The following CARHSP1 variants were observed in gnomAD, a reference collection of about 807,000 sequenced individuals.
CARHSP1 encodes calcium-regulated heat-stable protein 1.
CARHSP1 carries 14 observed loss-of-function variants against 12.5 expected under a neutral mutation model. The ratio of observed to expected loss-of-function variants is 1.12; its 90% CI spans 0.74 to 1.75. The LOEUF (loss-of-function observed/expected upper bound fraction) is 1.75, where lower values mean the gene tolerates loss of function less well. Ranked by LOEUF, CARHSP1 falls within the 40% of genes most tolerant of loss-of-function variation. CARHSP1 has a pLI of 0.00. For synonymous variants in CARHSP1, 161 were observed against 82.0 expected (o/e 1.96, Z -5.20); for missense variants, 343 against 201.6 (o/e 1.70, Z -4.25).
chr16:8,855,665 AAGCCAGAG>A (rs145174315), intron 3 of CARHSP1, among the ~76,000 whole-genome samples: 10,543 of 152,126 alleles, frequency 0.069, 588 homozygotes, highest in Admixed American at 0.2. Flanking sequence ...CAGCCAGTCC[AAGCCAGAG>A]AGCCAGAGAG....
At chr16:8,856,797 A>G (rs1054383165) in intron 3 of CARHSP1, among the ~76,000 whole-genome samples, 1 of 151,746 alleles carries the variant, frequency 6.6e-6, no homozygotes, top group African/African-American at 2.4e-5. Flanking sequence ...AAGGGTGCAG[A>G]TCGAGGGTCC....
At position 8,855,222 on chromosome 16, in the gene CARHSP1, G is replaced by C. The variant is rs772166654; in HGVS notation, c.386C>G (p.Thr129Ser). The change falls in exon 4 of 4, where the codon ACT (threonine) becomes AGT (serine). Residue 129 changes from threonine (T) to serine (S), a missense_variant. Transcript: ENST00000311052. ...ATGCTTGGTGCCTGGTGCCAGGTGAGTGATGACGACCTCCACGGCCTGCAG... is the reference window on the plus strand; with the variant it reads ...ATGCTTGGTGCCTGGTGCCAGGTGACTGATGACGACCTCCACGGCCTGCAG... ...EKLQAVEVVI[T>S]HLAPGTKHET... 1.9e-6 allele frequency: 3 copies of C among 1,613,320 alleles called. No homozygotes were observed. The highest frequency in any genetic ancestry group is 2.2e-5 in the East Asian group (1 of 44,828).
chr16:8,854,168 GAAAA>G lies in CARHSP1; in HGVS notation c.*992_*995del, dbSNP rs369494018. The G allele has an allele frequency of 2.0e-5, 3 of 148,850 alleles. No individual in the cohort carries two copies. The highest frequency in any genetic ancestry group is 7.4e-5 in the African/African-American group (3 of 40,578). The allele number at this position is 148,850 out of a possible 1,614,324, so 9.2% of individuals were successfully genotyped here. The stretch of plus-strand genomic sequence containing the variant: ...TGAAAGCTTTAGTTATGAAAAATAA[GAAAA>G]AAAAAATCCCTAAGCATTTCTTAAC... On this transcript the variant is annotated 3_prime_UTR_variant, in exon 4 of 4. Coordinates refer to ENST00000311052, the MANE Select transcript of CARHSP1 (RefSeq NM_014316.4).
intron 1 of CARHSP1, chr16:8,868,311 C>T (rs889139604): frequency 1.3e-5 from 2 of 152,186 alleles, no homozygotes; most frequent in African/African-American, 4.8e-5. Context: ...GAACATTTCA[C>T]TTCCGGCCTG....
intron 2 of CARHSP1, 143 bp from the exon 3 acceptor site, chr16:8,858,615 C>T (rs892475428): frequency 3.0e-6 from 3 of 1,007,900 alleles, no homozygotes; most frequent in African/African-American, 3.3e-5. Flanking sequence ...GACTGCACAA[C>T]CCTCAACCCT....
At chr16:8,863,137 T>TTTTC (rs1555457603) in intron 1 of CARHSP1, among the ~76,000 whole-genome samples, 6 of 126,286 alleles carry the variant, frequency 4.8e-5, no homozygotes, top group Non-Finnish European at 9.7e-5. Flanking sequence ...TTTTTTTTTT[T>TTTTC]CAGATAGGAT....
chr16:8,859,401 T>C lies in CARHSP1; in HGVS notation c.-7-66A>G, dbSNP rs1483951808. On this transcript the variant is annotated intron_variant, in intron 1 of 3. Coordinates refer to ENST00000311052, the MANE Select transcript of CARHSP1 (RefSeq NM_014316.4). The stretch of plus-strand genomic sequence containing the variant: ...GGTAGGGACCCTGTGCTTACCCCCA[T>C]GTCCACGTCTGACAGTCCAGTATCT... 7 of 1,388,500 alleles carry C rather than the reference T, an allele frequency of 5.0e-6. No homozygotes were observed. In the Admixed American group the frequency reaches 8.2e-5, roughly 16 times the overall value. 86.0% of individuals were successfully genotyped at this position (1,388,500 alleles called of 1,614,324 possible). A position where few individuals can be genotyped will look rare whatever the true frequency, so the allele number is the denominator to read the frequency against.
At chr16:8,865,668 G>A (rs2061442642) in intron 1 of CARHSP1, among the ~76,000 whole-genome samples, 1 of 152,196 alleles carries the variant, frequency 6.6e-6, no homozygotes, top group African/African-American at 2.4e-5. Context: ...CCCGCACTAT[G>A]GGGATGGGGC....
At chr16:8,858,256 C>A (rs62033507) in intron 3 of CARHSP1, 94 bp downstream of exon 3, 688,239 of 1,430,858 alleles carry the variant, frequency 0.48, 169,443 homozygotes, top group Non-Finnish European at 0.5. Context: ...GTCCTCACAC[C>A]CAGCGCCCAT....
chr16:8,856,489 T>C (rs1292730507), intron 3 of CARHSP1, among the ~76,000 whole-genome samples: 1 of 151,710 alleles, frequency 6.6e-6, no homozygotes, highest in East Asian at 1.9e-4. Flanking sequence ...ACCTCTATGT[T>C]TTCCTTACTG....
At position 8,853,054 on chromosome 16, in the gene CARHSP1, C is replaced by A. The variant is rs913273210; in HGVS notation, c.*2110G>T. 2 of 152,130 alleles carry A rather than the reference C, an allele frequency of 1.3e-5. No individual in the cohort carries two copies. The highest frequency in any genetic ancestry group is 2.4e-5 in the African/African-American group (1 of 41,424). 9.4% of individuals were successfully genotyped at this position (152,130 alleles called of 1,614,324 possible). A position where few individuals can be genotyped will look rare whatever the true frequency, so the allele number is the denominator to read the frequency against. ...CGCTCTGTCACCAAAACCCTCCGTC[C>A]CTCCCAGAGCCTCGAGGAGTTTCCC... On this transcript the variant is annotated 3_prime_UTR_variant, in exon 4 of 4. Transcript: ENST00000311052.
rs774634176 is a variant in CARHSP1, at chr16:8,858,372, C to T, written c.259G>A (p.Asp87Asn). 10 of 1,613,870 alleles carry T rather than the reference C, an allele frequency of 6.2e-6. No individual in the cohort carries two copies. Among genetic ancestry groups the T allele is most frequent in the South Asian group, 2.2e-5 (2 of 91,068 alleles). The change falls in exon 3 of 4, where the codon GAC becomes AAC. Residue 87 changes from aspartate (D) to asparagine (N), a missense_variant. By Grantham distance (23) the Asp-to-Asn change is conservative (BLOSUM62 1). Coordinates refer to ENST00000311052, the MANE Select transcript of CARHSP1 (RefSeq NM_014316.4). ...CACTCAGAGATGTGCAGGAAGATGT[C>T]GGGGCCGCCATCAGCTGGAGTAATG... is the stretch of plus-strand genomic sequence containing the variant. ...GFITPADGGP[D>N]IFLHISDVEG...
chr16:8,859,794 A>G (rs1334524147), intron 1 of CARHSP1: 3 of 153,380 alleles, frequency 2.0e-5, no homozygotes, highest in South Asian at 4.1e-4. Flanking sequence ...CCTGGCCAAC[A>G]TGGGGAAACC....
intron 1 of CARHSP1, among the ~76,000 whole-genome samples, chr16:8,863,492 G>A (rs2061404593): frequency 6.6e-6 from 1 of 152,222 alleles, no homozygotes; most frequent in Non-Finnish European, 1.5e-5. Flanking sequence ...TCAGCACCAT[G>A]CCCAGCCCAG....
rs779093455 is a variant in CARHSP1 at position 8,858,469 on chromosome 16, C to T, written c.162G>A (p.Thr54=). 28 of 1,613,512 alleles carry T rather than the reference C, an allele frequency of 1.7e-5. No homozygotes were observed. The highest frequency in any genetic ancestry group is 3.3e-5 in the Admixed American group (2 of 59,968). The change falls in exon 3 of 4, where the codon ACG becomes ACA. Residue 54 remains threonine, a synonymous_variant. Coordinates refer to ENST00000311052, the MANE Select transcript of CARHSP1 (RefSeq NM_014316.4). ...PTRRTRTFSA[T]VRASQGPVYK... Reference sequence around the variant, plus strand: ...AGACGGGGCCCTGTGAAGCCCGCACCGTCCTGACAGAGAGGGGGAAATGTC... The same window carrying T: ...AGACGGGGCCCTGTGAAGCCCGCACTGTCCTGACAGAGAGGGGGAAATGTC...
chr16:8,860,316 T>G (rs558944107), intron 1 of CARHSP1: 2 of 985,126 alleles, frequency 2.0e-6, no homozygotes, highest in African/African-American at 1.7e-5. Context: ...CACGCTGTTA[T>G]GAAATCAAAT....
chr16:8,858,192 AGGAGCACAGCT>A lies in CARHSP1; in HGVS notation c.281+147_281+157del, dbSNP rs2061212120. 8.2e-6 allele frequency: 7 copies of A among 852,148 alleles called. No homozygotes were observed. In the South Asian group the frequency reaches 1.1e-4, roughly 13 times the overall value. 52.8% of individuals were successfully genotyped at this position (852,148 alleles called of 1,614,324 possible). A position where few individuals can be genotyped will look rare whatever the true frequency, so the allele number is the denominator to read the frequency against. The stretch of plus-strand genomic sequence containing the variant: ...CACAACCCCAACCCAACACACACAC[AGGAGCACAGCT>A]GGAGCACCAGCCACAGGCAGAGTCA... On this transcript the variant is annotated intron_variant, in intron 3 of 3. Coordinates refer to ENST00000311052, the MANE Select transcript of CARHSP1 (RefSeq NM_014316.4).
intron 1 of CARHSP1, among the ~76,000 whole-genome samples, chr16:8,861,045 G>A (rs138475955): frequency 3.1e-4 from 29 of 92,460 alleles, no homozygotes; most frequent in African/African-American, 7.4e-4. Flanking sequence ...GTGAGACTCC[G>A]TCTCAAAAAA....
chr16:8,855,043 G>C lies in CARHSP1; in HGVS notation c.*121C>G. On this transcript the variant is annotated 3_prime_UTR_variant, in exon 4 of 4. Coordinates refer to ENST00000311052, the MANE Select transcript of CARHSP1 (RefSeq NM_014316.4). ...ATACCCCTTCCTCCAGGAGATACTT[G>C]AGAGGGACCATGCCCGGCTGAAGCC... 3 of 631,294 alleles carry C rather than the reference G, an allele frequency of 4.8e-6. No individual in the cohort carries two copies. Among genetic ancestry groups the C allele is most frequent in the Admixed American group, 4.0e-5 (1 of 24,770 alleles). 39.1% of individuals were successfully genotyped at this position (631,294 alleles called of 1,614,324 possible).
Sources: allele counts gnomAD v4.1 joint callset (sites outside exome capture counted in the v4.1 genomes callset), GRCh38; gene constraint gnomAD v4.1.1; transcripts MANE v1.5; gene names NCBI Gene and HGNC (gene_info 2026-07-23, HGNC 2026-07-21).